RUFY1: variants seen among roughly 807,000 people sequenced by gnomAD.
RUFY1 encodes RUN and FYVE domain containing 1.
In RUFY1, 54 loss-of-function variants were observed where a neutral mutation model predicts 94.6. The observed-to-expected ratio is 0.57, with a 90% CI of 0.46 to 0.72. The LOEUF (loss-of-function observed/expected upper bound fraction) is 0.72, where lower values mean the gene tolerates loss of function less well. Ranked by LOEUF, RUFY1 falls within the 30% of genes least tolerant of loss-of-function variation. RUFY1 has a pLI of 0.00. For synonymous variants in RUFY1, 396 were observed against 347.3 expected, an observed-to-expected ratio of 1.14 and a Z score of -1.56; for missense variants, 883 against 883.9, an observed-to-expected ratio of 1.00 and a Z score of 0.01.
chr5:179,581,052 C>A, intron 7 of RUFY1, 40 bp downstream of exon 7: 2 of 1,246,324 alleles, frequency 1.6e-6, no homozygotes, highest in South Asian at 1.3e-5. Context: ...GTTACATACT[C>A]GGTATCCTGT....
At chr5:179,586,988 T>C (rs944377304) in intron 8 of RUFY1, among the ~76,000 whole-genome samples, 2 of 152,238 alleles carry the variant, frequency 1.3e-5, no homozygotes, top group South Asian at 4.1e-4. Context: ...ATTCCCTGCA[T>C]CTCAGTCAAG....
Position 179,595,246 on chromosome 5 carries a change from G to A in RUFY1, c.1511+283G>A, listed in dbSNP as rs905451236. Among the ~76,000 whole-genome samples the A allele has an allele frequency of 3.3e-5, 5 of 152,182 alleles. No individual in the cohort carries two copies. The East Asian group carries it at 9.6e-4, about 29-fold the overall frequency. On this transcript the variant is annotated intron_variant, in intron 12 of 17. Coordinates refer to ENST00000319449, the MANE Select transcript of RUFY1 (RefSeq NM_025158.5). ...TGTAATCCCAGCACTTTGGGAGGCC[G>A]AGGCGGGCGGATCACGAGGTCAGGA... is the stretch of plus-strand genomic sequence containing the variant.
chr5:179,573,831 A>AT (rs995432125), intron 5 of RUFY1, among the ~76,000 whole-genome samples: 5 of 152,096 alleles, frequency 3.3e-5, no homozygotes, highest in Non-Finnish European at 7.4e-5. Flanking sequence ...CTACTTTGTG[A>AT]TTTTTTAAGA....
At position 179,609,669 on chromosome 5, in the gene RUFY1, A is replaced by G; in HGVS notation, c.*150A>G. On this transcript the variant is annotated 3_prime_UTR_variant, in exon 18 of 18. Coordinates refer to ENST00000319449, the MANE Select transcript of RUFY1 (RefSeq NM_025158.5). ...GGCACTCCAGAAGACAGCGTGCCGG[A>G]ACCGGCAGCTCTCACCTTTCTGTGA... is the stretch of plus-strand genomic sequence containing the variant. The G allele has an allele frequency of 1.4e-6, 1 of 703,292 alleles. No individual in the cohort carries two copies. Among genetic ancestry groups the G allele is most frequent in the South Asian group, 2.2e-5 (1 of 44,754 alleles). The allele number at this position is 703,292 out of a possible 1,614,324, so 43.6% of individuals were successfully genotyped here.
At chr5:179,555,057 G>A (rs1275078937) in intron 1 of RUFY1, among the ~76,000 whole-genome samples, 1 of 152,054 alleles carries the variant, frequency 6.6e-6, no homozygotes, top group African/African-American at 2.4e-5. Flanking sequence ...CATAGCACAT[G>A]TGCTTTCCTC....
intron 14 of RUFY1, among the ~76,000 whole-genome samples, chr5:179,600,941 G>A (rs1278540993): frequency 4.0e-5 from 6 of 151,754 alleles, no homozygotes; most frequent in Non-Finnish European, 5.9e-5. Context: ...CAGGTGATCC[G>A]CCCACCTCAG....
At position 179,569,385 on chromosome 5, in the gene RUFY1, A is replaced by G; in HGVS notation, c.788A>G (p.Asp263Gly). 6.2e-7 allele frequency: 1 copy of G among 1,613,678 alleles called. No individual in the cohort carries two copies. The highest frequency in any genetic ancestry group is 8.5e-7 in the Non-Finnish European group (1 of 1,179,982). Residue 263 changes from aspartate to glycine, a missense_variant, in exon 5 of 18, where the codon GAT becomes GGT. Asp to Gly is a moderately conservative substitution (Grantham distance 94). Coordinates refer to ENST00000319449, the MANE Select transcript of RUFY1 (RefSeq NM_025158.5). ...CTGCTGGTGGGACTCAATGTTCTCG[A>G]TGCCAATCTCTGCTTGAAAGGAGAA... Reference protein sequence around the residue: ...VGLLVGLNVLDANLCLKGEDL... With the variant: ...VGLLVGLNVLGANLCLKGEDL...
Position 179,585,686 on chromosome 5 carries a change from G to C in RUFY1, c.957-110G>C, listed in dbSNP as rs1764553505. 6.5e-6 allele frequency: 5 copies of C among 766,728 alleles called. No individual in the cohort carries two copies. The South Asian group carries it at 8.0e-5, about 12-fold the overall frequency. 47.5% of individuals were successfully genotyped at this position (766,728 alleles called of 1,614,324 possible). On this transcript the variant is annotated intron_variant, in intron 7 of 17. Transcript: ENST00000319449. ...TCTCTGAGTTAATTGGAGACCCTCT[G>C]CCTTTCCATTTCATACAGGAAATCT...
At chr5:179,586,299 C>T (rs887355899) in intron 8 of RUFY1, 3 of 459,324 alleles carry the variant, frequency 6.5e-6, no homozygotes, top group African/African-American at 6.0e-5. Flanking sequence ...CCAGCCTCCC[C>T]ACAGTGCGGT....
rs1765107064 is a variant in RUFY1, at chr5:179,591,567, A to G, written c.1129-58A>G. On this transcript the variant is annotated intron_variant, in intron 9 of 17. Transcript: ENST00000319449. ...ATTGTGGTATATTTTGAAATACTTC[A>G]TAATTAGCTTGCTTTCCATAAGCAA... The G allele has an allele frequency of 4.9e-6, 5 of 1,026,728 alleles. No individual in the cohort carries two copies. In the East Asian group the frequency reaches 1.2e-4, roughly 25 times the overall value. The allele number at this position is 1,026,728 out of a possible 1,614,324, so 63.6% of individuals were successfully genotyped here. A position where few individuals can be genotyped will look rare whatever the true frequency, so the allele number is the denominator to read the frequency against.
At chr5:179,608,465 G>A (rs1444802183) in intron 17 of RUFY1, 1 of 985,410 alleles carries the variant, frequency 1.0e-6, no homozygotes, top group Non-Finnish European at 1.2e-6. Flanking sequence ...AGGCTGCACA[G>A]GTGCTCATCT....
chr5:179,590,249 G>C (rs1226682840), intron 9 of RUFY1, among the ~76,000 whole-genome samples: 6 of 151,836 alleles, frequency 4.0e-5, no homozygotes, highest in African/African-American at 1.4e-4. Flanking sequence ...AGCTGCTCGG[G>C]AGGCTGAGGC....
chr5:179,552,164 C>CAA (rs563730431), intron 1 of RUFY1, among the ~76,000 whole-genome samples: 7,359 of 71,792 alleles, frequency 0.1, 880 homozygotes, highest in South Asian at 0.13. Context: ...GACTCTGTCT[C>CAA]AAAAAAAAAA....
intron 13 of RUFY1, chr5:179,598,378 C>A (rs7704400): frequency 6.7e-6 from 2 of 299,526 alleles, no homozygotes; most frequent in Non-Finnish European, 1.3e-5. Context: ...AAGAAAAGAA[C>A]GAATTTTGAG....
At chr5:179,575,004 A>G (rs958641807) in intron 5 of RUFY1, among the ~76,000 whole-genome samples, 1 of 151,748 alleles carries the variant, frequency 6.6e-6, no homozygotes, top group Non-Finnish European at 1.5e-5. Flanking sequence ...TAATGTGAAA[A>G]GAGAAGTTGA....
chr5:179,594,719 C>G, intron 11 of RUFY1, 147 bp from the exon 12 acceptor site: 1 of 502,060 alleles, frequency 2.0e-6, no homozygotes, highest in Non-Finnish European at 3.5e-6. Flanking sequence ...CAAGATCACG[C>G]CACTGCACTC....
At chr5:179,607,744 CAG>C (rs746452818) in intron 17 of RUFY1, 85 bp downstream of exon 17, 15 of 1,202,774 alleles carry the variant, frequency 1.2e-5, no homozygotes, top group Non-Finnish European at 1.8e-5. Context: ...AAGCCCATAT[CAG>C]AGCAGGCTCA....
At chr5:179,575,142 G>A (rs72824509) in intron 5 of RUFY1, among the ~76,000 whole-genome samples, 81 of 149,818 alleles carry the variant, frequency 5.4e-4, no homozygotes, top group African/African-American at 1.8e-3. Flanking sequence ...TTATGTTCAC[G>A]TAGGTTTTGT....
chr5:179,609,162 G>A (rs1395222164), intron 17 of RUFY1, among the ~76,000 whole-genome samples: 2 of 144,148 alleles, frequency 1.4e-5, no homozygotes, highest in African/African-American at 2.6e-5. Context: ...AGCTGAGATC[G>A]CGCCACTGCA....
Sources: gnomAD v4.1 joint callset for allele counts (sites outside exome capture counted in the v4.1 genomes callset) on GRCh38, gnomAD v4.1.1 for gene constraint, MANE v1.5 for transcripts, NCBI Gene and HGNC (gene_info 2026-07-23, HGNC 2026-07-21) for gene names.